Variants in ZNF16 observed in about 807,000 individuals in gnomAD.
ZNF16 encodes zinc finger protein KOX9.
Under a neutral mutation model 9.0 loss-of-function variants are expected in ZNF16, and 7 were observed. The observed-to-expected ratio is 0.78, with a 90% CI of 0.44 to 1.47. ZNF16 has a LOEUF of 1.47. Ranked by LOEUF, ZNF16 falls within the 40% of genes most tolerant of loss-of-function variation. The pLI is 0.01. For synonymous variants in ZNF16, 312 were observed against 301.5 expected, an observed-to-expected ratio of 1.03 and a Z score of -0.36; for missense variants, 830 against 854.2, an observed-to-expected ratio of 0.97 and a Z score of 0.35.
Position 144,931,560 on chromosome 8 carries a change from A to G in ZNF16, c.1227T>C (p.Asp409=), listed in dbSNP as rs1833541426. The part of the protein sequence containing the change: ...HTGEKPYECN[D]CGKPFSRVSN... ...AGACCCGACTGAAGGGCTTGCCACA[A>G]TCATTACACTCATAAGGCTTCTCTC... Residue 409 remains aspartate (D), a synonymous_variant, in exon 3 of 3, where the codon GAT becomes GAC. Transcript: ENST00000394909. The G allele has an allele frequency of 3.1e-6, 5 of 1,611,592 alleles. No homozygotes were observed. Among genetic ancestry groups the G allele is most frequent in the Non-Finnish European group, 4.2e-6 (5 of 1,179,250 alleles).
intron 2 of ZNF16, among the ~76,000 whole-genome samples, chr8:144,942,675 AG>A (rs1365327247): frequency 6.6e-6 from 1 of 152,208 alleles, no homozygotes; most frequent in Non-Finnish European, 1.5e-5. Context: ...GTTTAGTCTC[AG>A]TAACACAAAA....
chr8:144,936,668 C>T (rs1302626650), intron 2 of ZNF16, among the ~76,000 whole-genome samples: 1 of 152,066 alleles, frequency 6.6e-6, no homozygotes, highest in Admixed American at 6.6e-5. Context: ...TGCTTGTTAG[C>T]CATTCATATG....
At position 144,932,089 on chromosome 8, in the gene ZNF16, C is replaced by G. The variant is rs369425594; in HGVS notation, c.698G>C (p.Gly233Ala). Residue 233 changes from glycine to alanine, a missense_variant, in exon 3 of 3, where the codon GGG (glycine) becomes GCG (alanine). Transcript: ENST00000394909. This position sits in a 1 kb window ranked among gnomAD's most constrained non-coding sequence, Gnocchi z 5.0. ...DLIQRQIVHT[G>A]EASFMCDDCG... is the part of the protein sequence containing the mutation. ...ATCATCACACATAAAGGAAGCCTCC[C>G]CAGTGTGGACTATTTGACGCTGAAT... 1.2e-5 allele frequency: 20 copies of G among 1,614,114 alleles called. No individual in the cohort carries two copies. Among genetic ancestry groups the G allele is most frequent in the Non-Finnish European group, 1.7e-5 (20 of 1,180,010 alleles).
intron 2 of ZNF16, among the ~76,000 whole-genome samples, chr8:144,939,504 G>A (rs538012182): frequency 1.0e-4 from 15 of 148,094 alleles, no homozygotes; most frequent in South Asian, 4.3e-4. Flanking sequence ...GCTGAGACAG[G>A]AGAATTGCTT....
chr8:144,934,209 C>T (rs980849281), intron 2 of ZNF16, among the ~76,000 whole-genome samples: 13 of 152,228 alleles, frequency 8.5e-5, no homozygotes, highest in Non-Finnish European at 1.9e-4. Context: ...ACTGCACCCA[C>T]GTGTCTCTTG....
At chr8:144,950,073 T>C (rs1031362337) in intron 1 of ZNF16, among the ~76,000 whole-genome samples, 5 of 152,238 alleles carry the variant, frequency 3.3e-5, no homozygotes, top group East Asian at 1.9e-4. Flanking sequence ...AATGCTGCCT[T>C]GTTATTCTTT....
At chr8:144,935,535 A>T (rs1370217128) in intron 2 of ZNF16, among the ~76,000 whole-genome samples, 1 of 152,170 alleles carries the variant, frequency 6.6e-6, no homozygotes, top group Non-Finnish European at 1.5e-5. Context: ...AGTCAGTAAA[A>T]TTTGGGCTTA....
intron 1 of ZNF16, chr8:144,948,055 G>T: frequency 6.5e-6 from 1 of 152,832 alleles, no homozygotes; most frequent in Non-Finnish European, 1.5e-5. Flanking sequence ...AAAGGTGGCA[G>T]AAGGATGGTG....
At chr8:144,941,874 G>A (rs866647836) in intron 2 of ZNF16, among the ~76,000 whole-genome samples, 6 of 150,972 alleles carry the variant, frequency 4.0e-5, no homozygotes, top group South Asian at 4.2e-4. Context: ...TGGCCAGGAT[G>A]GTCTCAATCT....
intron 2 of ZNF16, among the ~76,000 whole-genome samples, chr8:144,942,784 G>C (rs754283843): frequency 6.6e-6 from 1 of 152,134 alleles, no homozygotes; most frequent in South Asian, 2.1e-4. Flanking sequence ...TTATAATGCA[G>C]ACCTTTTATG....
intron 2 of ZNF16, among the ~76,000 whole-genome samples, chr8:144,939,051 T>C (rs1340198222): frequency 6.6e-6 from 1 of 152,338 alleles, no homozygotes; most frequent in South Asian, 2.1e-4. Flanking sequence ...TAGGTTTTCT[T>C]ATGTTGAACC....
intron 1 of ZNF16, 149 bp from the exon 2 acceptor site, chr8:144,946,364 G>T: frequency 2.7e-6 from 2 of 727,498 alleles, no homozygotes; most frequent in South Asian, 6.8e-5. Context: ...CTGATGCTGT[G>T]TTTCCTGATC....
chr8:144,936,673 CAT>C (rs1248643759), intron 2 of ZNF16, among the ~76,000 whole-genome samples: 1 of 152,022 alleles, frequency 6.6e-6, no homozygotes, highest in Non-Finnish European at 1.5e-5. Flanking sequence ...GTTAGCCATT[CAT>C]ATGTTTTCTT....
intron 2 of ZNF16, 30 bp downstream of exon 2, chr8:144,945,981 G>C: frequency 6.2e-7 from 1 of 1,611,016 alleles, no homozygotes; most frequent in Non-Finnish European, 8.5e-7. Context: ...CCAGAATAAG[G>C]GCACCAGCGG....
intron 1 of ZNF16, among the ~76,000 whole-genome samples, chr8:144,946,993 G>GCTGTGTCCTGCTGTGGGC (rs1833966960): frequency 1.3e-5 from 1 of 79,556 alleles, no homozygotes; most frequent in African/African-American, 7.3e-5. Flanking sequence ...CTGCTGTGGG[G>GCTGTGTCCTGCTGTGGGC]CTGTGTCCTG....
chr8:144,950,730 C>T (rs1490258590), intron 1 of ZNF16, 67 bp downstream of exon 1: 1 of 152,198 alleles, frequency 6.6e-6, no homozygotes, highest in African/African-American at 2.4e-5. Context: ...CCCTGGGCCC[C>T]CCAACCACGG....
chr8:144,944,493 G>A (rs1047239454), intron 2 of ZNF16: 1 of 152,294 alleles, frequency 6.6e-6, no homozygotes, highest in Non-Finnish European at 1.5e-5. Context: ...TGGGTTACAG[G>A]TGTGAGCCAC....
intron 1 of ZNF16, among the ~76,000 whole-genome samples, chr8:144,946,692 C>T (rs1279525106): frequency 8.2e-6 from 1 of 121,846 alleles, no homozygotes; most frequent in Non-Finnish European, 1.7e-5. Flanking sequence ...GGGCCATACC[C>T]TGCTGTGGGC....
At chr8:144,940,846 G>A (rs902036530) in intron 2 of ZNF16, among the ~76,000 whole-genome samples, 2 of 152,316 alleles carry the variant, frequency 1.3e-5, no homozygotes, top group African/African-American at 4.8e-5. Flanking sequence ...TTCCTCCTAG[G>A]TATTCCCTTC....
Sources: gnomAD v4.1 joint callset for allele counts (sites outside exome capture counted in the v4.1 genomes callset) on GRCh38, gnomAD v4.1.1 for gene constraint, Gnocchi (gnomAD v3.1) non-coding constraint, MANE v1.5 for transcripts, NCBI Gene and HGNC (gene_info 2026-07-23, HGNC 2026-07-21) for gene names.